Variants in PDE7A observed in about 807,000 individuals in gnomAD.
PDE7A encodes the protein phosphodiesterase 7A, also known as high affinity 3',5'-cyclic-AMP phosphodiesterase 7A.
PDE7A carries 39 observed loss-of-function variants against 64.3 expected under a neutral mutation model. That is an observed-to-expected ratio of 0.61 (90% CI 0.47 to 0.79). The LOEUF (loss-of-function observed/expected upper bound fraction) is 0.79, where lower values mean the gene tolerates loss of function less well. Ranked by LOEUF, PDE7A falls within the 30% of genes least tolerant of loss-of-function variation. The pLI, the probability that PDE7A is intolerant of heterozygous loss-of-function variation, is 0.00. For synonymous variants in PDE7A, 203 were observed against 206.8 expected (o/e 0.98, Z 0.16); for missense variants, 470 against 582.8 (o/e 0.81, Z 1.99).
intron 3 of PDE7A, among the ~76,000 whole-genome samples, chr8:65,759,548 A>C (rs1808396587): frequency 1.3e-5 from 2 of 152,214 alleles, no homozygotes; most frequent in Non-Finnish European, 2.9e-5. Context: ...TCTCCCTTCA[A>C]CAAGTACTCT....
intron 1 of PDE7A, among the ~76,000 whole-genome samples, chr8:65,813,876 T>G (rs968348309): frequency 1.3e-5 from 2 of 152,202 alleles, no homozygotes; most frequent in African/African-American, 4.8e-5. Flanking sequence ...TTTTCTCTTC[T>G]TCAACTGTCA....
rs1806517163 is a variant in PDE7A, at chr8:65,724,279, C to A, written c.1138G>T (p.Val380Leu). The change falls in exon 11 of 13, where the codon GTA becomes TTA. Residue 380 changes from valine to leucine, a missense_variant. Physicochemically the swap from Val to Leu is conservative, Grantham distance 32 (BLOSUM62 1). Coordinates refer to ENST00000401827, the MANE Select transcript of PDE7A (RefSeq NM_001242318.3). ...WELSKQWSEKVTEEFFHQGDI... is the reference protein window; with the variant it reads ...WELSKQWSEKLTEEFFHQGDI... Reference sequence around the variant, plus strand: ...CCTTGATGGAAGAATTCCTCCGTTACTTTTTCACTCCACTGCTTGCTTAAT... The same window carrying A: ...CCTTGATGGAAGAATTCCTCCGTTAATTTTTCACTCCACTGCTTGCTTAAT... The A allele has an allele frequency of 3.7e-6, 6 of 1,611,766 alleles. No homozygotes were observed. The highest frequency in any genetic ancestry group is 4.2e-6 in the Non-Finnish European group (5 of 1,178,212).
At chr8:65,787,136 AAATG>A (rs1469364248) in intron 1 of PDE7A, among the ~76,000 whole-genome samples, 1 of 152,242 alleles carries the variant, frequency 6.6e-6, no homozygotes, top group Non-Finnish European at 1.5e-5. Context: ...GTTTTCCACT[AAATG>A]ATTTATTAGC....
chr8:65,834,907 A>G (rs566898997), intron 1 of PDE7A, among the ~76,000 whole-genome samples: 1 of 152,348 alleles, frequency 6.6e-6, no homozygotes, highest in East Asian at 1.9e-4. Context: ...AGGCTCATCT[A>G]CAAATCTAGT....
intron 3 of PDE7A, among the ~76,000 whole-genome samples, chr8:65,763,922 T>A (rs1021216522): frequency 6.6e-6 from 1 of 152,130 alleles, no homozygotes; most frequent in African/African-American, 2.4e-5. Context: ...TGCTATCGAG[T>A]TAAGGAAGAT....
chr8:65,813,979 TTC>T (rs1298629742), intron 1 of PDE7A, among the ~76,000 whole-genome samples: 10 of 152,372 alleles, frequency 6.6e-5, no homozygotes, highest in East Asian at 1.9e-4. Context: ...AATGATTTTA[TTC>T]TCTTTTATTA....
intron 3 of PDE7A, among the ~76,000 whole-genome samples, chr8:65,752,317 T>C (rs967729959): frequency 6.6e-6 from 1 of 152,242 alleles, no homozygotes; most frequent in African/African-American, 2.4e-5. Context: ...TATTTGCTTG[T>C]GTTCATACTC....
In PDE7A at chr8:65,822,807, G is replaced by A. The variant is rs964722598; in HGVS notation, c.138+18564C>T. Among the ~76,000 whole-genome samples the A allele has an allele frequency of 3.3e-5, 5 of 152,132 alleles. No homozygotes were observed. In the South Asian group the frequency reaches 6.2e-4, roughly 19 times the overall value. On this transcript the variant is annotated intron_variant, in intron 1 of 12. Transcript: ENST00000401827. ...TCAAGAACCCCCAAATGTTTGAAGT[G>A]TTACAAACATTTCTATACAGGCTCC... is the stretch of plus-strand genomic sequence containing the variant.
At chr8:65,779,175 G>C (rs893670114) in intron 3 of PDE7A, among the ~76,000 whole-genome samples, 1 of 152,118 alleles carries the variant, frequency 6.6e-6, no homozygotes, top group African/African-American at 2.4e-5. Context: ...ATTACTGAAA[G>C]TGGAACTCCT....
At chr8:65,796,459 C>T (rs79431817) in intron 1 of PDE7A, among the ~76,000 whole-genome samples, 9,585 of 152,056 alleles carry the variant, frequency 0.063, 381 homozygotes, top group Middle Eastern at 0.11. Context: ...ATTTAGAAAA[C>T]ATTAGTAAAT....
chr8:65,721,775 T>A (rs1806386502), intron 12 of PDE7A: 1 of 152,032 alleles, frequency 6.6e-6, no homozygotes, highest in Non-Finnish European at 1.5e-5. Flanking sequence ...TCACCTGTCT[T>A]CGATTCAATT....
At chr8:65,776,682 T>C (rs1293645660) in intron 3 of PDE7A, among the ~76,000 whole-genome samples, 1 of 152,232 alleles carries the variant, frequency 6.6e-6, no homozygotes. Flanking sequence ...TTATATATTA[T>C]GTTAATTTTG....
chr8:65,764,774 G>A (rs534482602), intron 3 of PDE7A, among the ~76,000 whole-genome samples: 1 of 152,188 alleles, frequency 6.6e-6, no homozygotes, highest in East Asian at 1.9e-4. Context: ...AGTCTTATCA[G>A]AAAAACAGGA....
At chr8:65,767,415 A>G (rs1442639167) in intron 3 of PDE7A, among the ~76,000 whole-genome samples, 4 of 152,210 alleles carry the variant, frequency 2.6e-5, no homozygotes, top group Non-Finnish European at 4.4e-5. Flanking sequence ...TGATGTATAT[A>G]TTGGTTTTCA....
At chr8:65,752,088 G>T (rs887743741) in intron 3 of PDE7A, among the ~76,000 whole-genome samples, 1 of 152,136 alleles carries the variant, frequency 6.6e-6, no homozygotes, top group African/African-American at 2.4e-5. Flanking sequence ...TCTACTACTT[G>T]ATTTGTCAGC....
intron 4 of PDE7A, 30 bp downstream of exon 4, chr8:65,747,622 T>C (rs1807735589): frequency 6.8e-7 from 1 of 1,462,838 alleles, no homozygotes; most frequent in Non-Finnish European, 9.4e-7. Flanking sequence ...TATCAAAAAA[T>C]TAATGTTTTC....
In PDE7A at chr8:65,841,920, C is replaced by G. The variant is rs1431068705; in HGVS notation, c.-412G>C. ...AAGAAAAGACAGCTGGAGCCAGCGGCCAGACCCAGGGCGCGCGGGACTCAG... is the reference window on the plus strand; with the variant it reads ...AAGAAAAGACAGCTGGAGCCAGCGGGCAGACCCAGGGCGCGCGGGACTCAG... On this transcript the variant is annotated 5_prime_UTR_variant, in exon 1 of 13. Transcript: ENST00000401827. The G allele has an allele frequency of 4.5e-6, 1 of 220,142 alleles. No individual in the cohort carries two copies. Among genetic ancestry groups the G allele is most frequent in the African/African-American group, 2.4e-5 (1 of 41,582 alleles). The allele number at this position is 220,142 out of a possible 1,614,324, so 13.6% of individuals were successfully genotyped here.
At chr8:65,822,085 T>A (rs1379537152) in intron 1 of PDE7A, among the ~76,000 whole-genome samples, 1 of 152,138 alleles carries the variant, frequency 6.6e-6, no homozygotes, top group Non-Finnish European at 1.5e-5. Context: ...GTCCCACAGA[T>A]TACCAAAGGT....
At chr8:65,813,277 T>C (rs1810300357) in intron 1 of PDE7A, among the ~76,000 whole-genome samples, 1 of 152,180 alleles carries the variant, frequency 6.6e-6, no homozygotes. Flanking sequence ...TAAATATATA[T>C]GCACAGAATA....
Sources: allele counts gnomAD v4.1 joint callset (sites outside exome capture counted in the v4.1 genomes callset), GRCh38; gene constraint gnomAD v4.1.1; transcripts MANE v1.5; gene names NCBI Gene and HGNC (gene_info 2026-07-23, HGNC 2026-07-21).